CHD7: variants seen among roughly 807,000 people sequenced by gnomAD.
The protein encoded by CHD7 is chromodomain helicase DNA binding protein 7.
A neutral mutation model predicts 307.3 loss-of-function variants in CHD7; 24 were observed. The ratio of observed to expected loss-of-function variants is 0.08; its 90% CI spans 0.06 to 0.11. The LOEUF (loss-of-function observed/expected upper bound fraction) is 0.11. Among genes scored for constraint, CHD7 ranks in the 10% least tolerant of loss-of-function variants. CHD7 has a pLI of 1.00. For missense variants in CHD7, 3,106 were observed against 3,727.1 expected, an observed-to-expected ratio of 0.83 and a Z score of 4.34; for synonymous variants, 1,363 against 1,349.9, an observed-to-expected ratio of 1.01 and a Z score of -0.21.
At chr8:60,793,952 G>C (rs1036253368) in intron 3 of CHD7, among the ~76,000 whole-genome samples, 25 of 152,018 alleles carry the variant, frequency 1.6e-4, no homozygotes, top group Admixed American at 1.6e-3. Flanking sequence ...GTGAAAGCCC[G>C]TCTCTACTAA....
intron 2 of CHD7, among the ~76,000 whole-genome samples, chr8:60,773,543 C>T (rs1810811920): frequency 6.6e-6 from 1 of 152,164 alleles, no homozygotes; most frequent in South Asian, 2.1e-4. Context: ...TATATGGCCC[C>T]TAAGTGCAAG....
Position 60,856,004 on chromosome 8 carries a change from C to T in CHD7, c.6966C>T (p.Asn2322=). The change falls in exon 33 of 38, where the codon AAC becomes AAT. Residue 2322 remains asparagine (N), a synonymous_variant. Transcript: ENST00000423902. ...GAGTAATGATAAACCGCTTAGACAACATCTGTGAAGCAGTGTTGAAAGGCA... is the reference window on the plus strand; with the variant it reads ...GAGTAATGATAAACCGCTTAGACAATATCTGTGAAGCAGTGTTGAAAGGCA... ...KDRVMINRLD[N]ICEAVLKGKW... The T allele has an allele frequency of 6.2e-7, 1 of 1,610,408 alleles. No homozygotes were observed. Among genetic ancestry groups the T allele is most frequent in the African/African-American group, 1.3e-5 (1 of 74,988 alleles).
intron 1 of CHD7, among the ~76,000 whole-genome samples, chr8:60,713,748 A>G (rs1174920903): frequency 1.3e-5 from 2 of 152,128 alleles, no homozygotes; most frequent in Non-Finnish European, 2.9e-5. Flanking sequence ...CACAGATTCC[A>G]GGAGAAGCCA....
chr8:60,734,869 T>C (rs531425479), intron 1 of CHD7, among the ~76,000 whole-genome samples: 49 of 152,308 alleles, frequency 3.2e-4, no homozygotes, highest in Non-Finnish European at 3.2e-4. Flanking sequence ...GGGAGAGGTA[T>C]GATGTAATCT....
At chr8:60,733,810 T>C (rs894052347) in intron 1 of CHD7, among the ~76,000 whole-genome samples, 5 of 152,050 alleles carry the variant, frequency 3.3e-5, no homozygotes, top group African/African-American at 7.2e-5. Context: ...CTACTCAGAA[T>C]ATCCAGAGTC....
At chr8:60,804,599 A>G (rs77753524) in intron 6 of CHD7, among the ~76,000 whole-genome samples, 6,426 of 152,320 alleles carry the variant, frequency 0.042, 176 homozygotes, top group Non-Finnish European at 0.06. Flanking sequence ...CCAAAAGTGA[A>G]AAGGGATTCA....
At chr8:60,773,475 G>A (rs908942890) in intron 2 of CHD7, among the ~76,000 whole-genome samples, 2 of 152,198 alleles carry the variant, frequency 1.3e-5, no homozygotes, top group African/African-American at 2.4e-5. Context: ...GTTCAATTTA[G>A]CATTAGCTCA....
rs745476515 is a variant in CHD7, at chr8:60,743,089, G to T, written c.1657G>T (p.Val553Leu). 3.7e-6 allele frequency: 6 copies of T among 1,613,072 alleles called. No homozygotes were observed. In the South Asian group the frequency reaches 6.6e-5, roughly 18 times the overall value. Residue 553 changes from valine (V) to leucine (L), a missense_variant, in exon 2 of 38, where the codon GTG becomes TTG. By Grantham distance (32) the Val-to-Leu change is conservative. This residue lies in a region of CHD7 where 998 missense variants were observed against 1,004.5 expected (regional missense o/e 0.99). Transcript: ENST00000423902. Reference sequence around the variant, plus strand: ...CCAGAACACCCCGCAGAAAGTGCCTGTGCATCAGGTAAGGGGACACAGAGC... The same window carrying T: ...CCAGAACACCCCGCAGAAAGTGCCTTTGCATCAGGTAAGGGGACACAGAGC... ...SPQNTPQKVP[V>L]HQHSPSEPFL... is the part of the protein sequence containing the mutation.
chr8:60,760,607 T>G (rs1376232817), intron 2 of CHD7, among the ~76,000 whole-genome samples: 3 of 149,214 alleles, frequency 2.0e-5, no homozygotes, highest in Non-Finnish European at 4.5e-5. Context: ...GACAAAGGGC[T>G]AATATCCAGA....
chr8:60,858,278 T>A (rs1377588084), intron 34 of CHD7, among the ~76,000 whole-genome samples: 2 of 152,152 alleles, frequency 1.3e-5, no homozygotes, highest in Non-Finnish European at 2.9e-5. Flanking sequence ...AAAATTTTTT[T>A]CAAAATTGAT....
At position 60,765,035 on chromosome 8, in the gene CHD7, G is replaced by C. The variant is rs188068450; in HGVS notation, c.1666-15965G>C. Among the ~76,000 whole-genome samples, 3 of 152,308 alleles carry C rather than the reference G, an allele frequency of 2.0e-5. No individual in the cohort carries two copies. In the East Asian group the frequency reaches 5.8e-4, roughly 29 times the overall value. Reference sequence around the variant, plus strand: ...AAGGTGTAAATGCACGAGGCAGCATGAGTGCCCTTTTCAAGAGCAGAGAGC... The same window carrying C: ...AAGGTGTAAATGCACGAGGCAGCATCAGTGCCCTTTTCAAGAGCAGAGAGC... On this transcript the variant is annotated intron_variant, in intron 2 of 37. Coordinates refer to ENST00000423902, the MANE Select transcript of CHD7 (RefSeq NM_017780.4).
At chr8:60,787,821 T>C (rs1358094600) in intron 3 of CHD7, among the ~76,000 whole-genome samples, 1 of 135,166 alleles carries the variant, frequency 7.4e-6, no homozygotes, top group Non-Finnish European at 1.5e-5. Flanking sequence ...AACTTGTAGA[T>C]TTTCTTTCTT....
At position 60,844,912 on chromosome 8, in the gene CHD7, A is replaced by C; in HGVS notation, c.4899A>C (p.Gln1633His). Reference protein sequence around the residue: ...DILSHGRYKRQLTEQDVETIC... With the variant: ...DILSHGRYKRHLTEQDVETIC... ...TTTCCCACGGACGCTATAAACGCCA[A>C]CTCACTGAGCAAGATGTAGAAACCA... The change falls in exon 22 of 38, where the codon CAA becomes CAC. Residue 1633 changes from glutamine to histidine, a missense_variant. This residue lies in a region of CHD7 where 122 missense variants were observed against 124.5 expected (regional missense o/e 0.98). Coordinates refer to ENST00000423902, the MANE Select transcript of CHD7 (RefSeq NM_017780.4). 6.2e-7 allele frequency: 1 copy of C among 1,612,856 alleles called. No homozygotes were observed. The highest frequency in any genetic ancestry group is 8.5e-7 in the Non-Finnish European group (1 of 1,179,068).
At chr8:60,806,141 T>C (rs1812525800) in intron 6 of CHD7, among the ~76,000 whole-genome samples, 1 of 152,130 alleles carries the variant, frequency 6.6e-6, no homozygotes, top group African/African-American at 2.4e-5. Flanking sequence ...GGTGGGCAGA[T>C]GATGAGGTCA....
At chr8:60,789,036 CT>C (rs1486203229) in intron 3 of CHD7, among the ~76,000 whole-genome samples, 2 of 151,962 alleles carry the variant, frequency 1.3e-5, no homozygotes, top group African/African-American at 4.8e-5. Flanking sequence ...TTTTAATTTT[CT>C]TTTTCATTGT....
chr8:60,852,391 C>A, intron 29 of CHD7, 107 bp from the exon 30 acceptor site: 2 of 1,303,622 alleles, frequency 1.5e-6, no homozygotes, highest in Non-Finnish European at 2.1e-6. Context: ...GTTTCCCCAC[C>A]CCCAAATAAC....
chr8:60,827,340 T>G lies in CHD7; in HGVS notation c.3379-1323T>G, dbSNP rs151280993. Among the ~76,000 whole-genome samples the G allele has an allele frequency of 2.5e-4, 38 of 152,322 alleles. No individual in the cohort carries two copies. The East Asian group carries it at 7.3e-3, about 29-fold the overall frequency. ...AAAAGGCTTTAACTTTTAAAATATT[T>G]GGTTAAGCAGTCAAGATTTAATTTA... On this transcript the variant is annotated intron_variant, in intron 13 of 37. Transcript: ENST00000423902.
intron 1 of CHD7, among the ~76,000 whole-genome samples, chr8:60,699,229 C>T (rs1365021288): frequency 6.6e-6 from 1 of 152,080 alleles, no homozygotes; most frequent in Non-Finnish European, 1.5e-5. Flanking sequence ...CTAGATTTTC[C>T]CATGTGTCAT....
At chr8:60,840,539 G>T (rs1171561036) in intron 19 of CHD7, among the ~76,000 whole-genome samples, 2 of 151,830 alleles carry the variant, frequency 1.3e-5, no homozygotes, top group Non-Finnish European at 2.9e-5. Flanking sequence ...ATCTCACTAT[G>T]TTGCCCAGGC....
Sources: gnomAD v4.1 joint callset for allele counts (sites outside exome capture counted in the v4.1 genomes callset) on GRCh38, gnomAD v4.1.1 for gene constraint, gnomAD v4.1.1 regional missense constraint, MANE v1.5 for transcripts, NCBI Gene and HGNC (gene_info 2026-07-23, HGNC 2026-07-21) for gene names.